MAGI2: variants seen among roughly 807,000 people sequenced by gnomAD.
MAGI2 encodes membrane associated guanylate kinase, WW and PDZ domain containing 2, also known as membrane-associated guanylate kinase, WW and PDZ domain-containing protein 2.
Under a neutral mutation model 133.3 loss-of-function variants are expected in MAGI2, and 35 were observed. The ratio of observed to expected loss-of-function variants is 0.26; its 90% CI spans 0.20 to 0.35. The LOEUF is 0.35. MAGI2 is among the 10% of genes least tolerant of loss of function. The pLI is 1.00. For missense variants in MAGI2, 1,636 were observed against 1,863.4 expected (o/e 0.88, Z 2.25); for synonymous variants, 729 against 710.6 (o/e 1.03, Z -0.41).
chr7:78,303,908 T>C (rs1272597561), intron 9 of MAGI2, among the ~76,000 whole-genome samples: 1 of 152,176 alleles, frequency 6.6e-6, no homozygotes, highest in Non-Finnish European at 1.5e-5. Flanking sequence ...AGATATTGAA[T>C]AGGCATTTAA....
chr7:78,068,455 A>G (rs1302785127), intron 21 of MAGI2, among the ~76,000 whole-genome samples: 2 of 152,068 alleles, frequency 1.3e-5, no homozygotes, highest in Non-Finnish European at 2.9e-5. Context: ...CAATGTGTCA[A>G]TGTAGGTTCC....
At position 78,017,561 on chromosome 7, in the gene MAGI2, G is replaced by T. The variant is rs1301405139; in HGVS notation, c.*1754C>A. ...AGTCCAGGGGAGAAAGACTAATTGAGATTAAACCAAAAGCATTATAAACTG... is the reference window on the plus strand; with the variant it reads ...AGTCCAGGGGAGAAAGACTAATTGATATTAAACCAAAAGCATTATAAACTG... On this transcript the variant is annotated 3_prime_UTR_variant, in exon 22 of 22. Coordinates refer to ENST00000354212, the MANE Select transcript of MAGI2 (RefSeq NM_012301.4). 6.6e-6 allele frequency: 1 copy of T among 152,582 alleles called. No individual in the cohort carries two copies. The highest frequency in any genetic ancestry group is 1.5e-5 in the Non-Finnish European group (1 of 68,046). The allele number at this position is 152,582 out of a possible 1,614,324, so 9.5% of individuals were successfully genotyped here. A position where few individuals can be genotyped will look rare whatever the true frequency, so the allele number is the denominator to read the frequency against.
intron 2 of MAGI2, among the ~76,000 whole-genome samples, chr7:78,670,075 A>C (rs1005633740): frequency 6.6e-6 from 1 of 151,588 alleles, no homozygotes; most frequent in Admixed American, 6.6e-5. Flanking sequence ...TGGCCAGGGC[A>C]ATTAGGCAGG....
At chr7:78,589,766 G>T (rs148520419) in intron 3 of MAGI2, among the ~76,000 whole-genome samples, 1 of 152,280 alleles carries the variant, frequency 6.6e-6, no homozygotes, top group Non-Finnish European at 1.5e-5. Context: ...TACACTTCAA[G>T]AAATATAGCA....
At chr7:79,342,210 A>G (rs1840953944) in intron 1 of MAGI2, among the ~76,000 whole-genome samples, 5 of 152,218 alleles carry the variant, frequency 3.3e-5, no homozygotes, top group Admixed American at 3.3e-4. Flanking sequence ...CAGAAATTTC[A>G]ATTCTTCCCG....
intron 1 of MAGI2, among the ~76,000 whole-genome samples, chr7:79,045,660 C>T (rs1372026849): frequency 2.0e-5 from 3 of 152,076 alleles, no homozygotes; most frequent in Non-Finnish European, 4.4e-5. Flanking sequence ...GGCCTGGTGG[C>T]GGGCACCTGT....
chr7:79,087,337 T>C (rs1175653661), intron 1 of MAGI2, among the ~76,000 whole-genome samples: 1 of 151,928 alleles, frequency 6.6e-6, no homozygotes, highest in Non-Finnish European at 1.5e-5. Flanking sequence ...GGATGAGTTC[T>C]GATTGTTCAT....
chr7:79,010,878 T>G (rs1228914977), intron 1 of MAGI2: 3 of 152,170 alleles, frequency 2.0e-5, no homozygotes, highest in Non-Finnish European at 4.4e-5. Flanking sequence ...GGAAAGGATT[T>G]GAAACCTACA....
chr7:78,227,515 C>A (rs982311920), intron 10 of MAGI2, among the ~76,000 whole-genome samples: 1 of 152,184 alleles, frequency 6.6e-6, no homozygotes, highest in Non-Finnish European at 1.5e-5. Context: ...CCTTCTCTGT[C>A]CATTTAACCT....
At chr7:79,280,467 A>T (rs1338172549) in intron 1 of MAGI2, among the ~76,000 whole-genome samples, 1 of 152,186 alleles carries the variant, frequency 6.6e-6, no homozygotes, top group Non-Finnish European at 1.5e-5. Context: ...AAAATATAAC[A>T]GATGACAGGA....
chr7:79,234,695 C>G (rs1040659971), intron 1 of MAGI2, among the ~76,000 whole-genome samples: 4 of 92,114 alleles, frequency 4.3e-5, no homozygotes, highest in African/African-American at 1.2e-4. Context: ...ATACATTCTT[C>G]TCAATTTTTT....
chr7:78,058,486 T>G (rs1812882298), intron 21 of MAGI2, among the ~76,000 whole-genome samples: 1 of 151,898 alleles, frequency 6.6e-6, no homozygotes, highest in Non-Finnish European at 1.5e-5. Flanking sequence ...TCCTTTTTTT[T>G]TTTGAGACGG....
chr7:79,223,077 G>C (rs1006310620), intron 1 of MAGI2, among the ~76,000 whole-genome samples: 7 of 151,922 alleles, frequency 4.6e-5, no homozygotes, highest in Non-Finnish European at 1.0e-4. Flanking sequence ...AGTAGAGACG[G>C]GGTTTTATCG....
intron 2 of MAGI2, among the ~76,000 whole-genome samples, chr7:78,657,592 T>C (rs1385745517): frequency 6.6e-6 from 1 of 151,746 alleles, no homozygotes; most frequent in Admixed American, 6.6e-5. Flanking sequence ...TCCAACTATA[T>C]GGTATTTGGG....
intron 2 of MAGI2, among the ~76,000 whole-genome samples, chr7:78,963,469 CAT>C (rs1407784547): frequency 1.1e-4 from 16 of 151,998 alleles, no homozygotes; most frequent in Non-Finnish European, 2.2e-4. Context: ...AAAGAAAAAA[CAT>C]AGCACCATTT....
chr7:79,011,924 C>CTTT (rs1808170160), intron 1 of MAGI2, among the ~76,000 whole-genome samples: 29 of 121,284 alleles, frequency 2.4e-4, no homozygotes, highest in African/African-American at 9.6e-4. Flanking sequence ...TTCCTTCCTT[C>CTTT]CTTTCTTTCT....
rs1481542505 is a variant in MAGI2, at chr7:78,195,170, G to C, written c.2080-107C>G. On this transcript the variant is annotated intron_variant, in intron 11 of 21. Transcript: ENST00000354212. ...TTGCCTTGTGGACTTTTCTTCCAGG[G>C]GATGGGTAAAACTTTGGCATAAATT... 4 of 840,746 alleles carry C rather than the reference G, an allele frequency of 4.8e-6. No homozygotes were observed. In the South Asian group the frequency reaches 6.8e-5, roughly 14 times the overall value. 52.1% of individuals were successfully genotyped at this position (840,746 alleles called of 1,614,324 possible).
intron 1 of MAGI2, among the ~76,000 whole-genome samples, chr7:79,399,110 T>TTTTTTTTTG (rs1554471869): frequency 6.8e-6 from 1 of 146,208 alleles, no homozygotes; most frequent in African/African-American, 2.6e-5. Flanking sequence ...TTTTTTTTTT[T>TTTTTTTTTG]GGGAGATGGA....
At chr7:78,370,571 T>C (rs1793820319) in intron 6 of MAGI2, among the ~76,000 whole-genome samples, 1 of 151,494 alleles carries the variant, frequency 6.6e-6, no homozygotes, top group African/African-American at 2.4e-5. Context: ...CATCCTTTTA[T>C]TGTTTTTGAC....
Sources: allele counts gnomAD v4.1 joint callset (sites outside exome capture counted in the v4.1 genomes callset), GRCh38; gene constraint gnomAD v4.1.1; transcripts MANE v1.5; gene names NCBI Gene and HGNC (gene_info 2026-07-23, HGNC 2026-07-21).